The following APBB2 variants were observed in gnomAD, a reference collection of about 807,000 sequenced individuals.
APBB2 encodes the protein amyloid beta precursor protein binding family B member 2.
Under a neutral mutation model 82.5 loss-of-function variants are expected in APBB2, and 38 were observed. That is an observed-to-expected ratio of 0.46 (90% CI 0.36 to 0.60). The LOEUF is 0.60. Ranked by LOEUF, APBB2 falls within the 20% of genes least tolerant of loss-of-function variation. APBB2 has a pLI of 0.00. For synonymous variants in APBB2, 341 were observed against 368.2 expected (o/e 0.93, Z 0.85); for missense variants, 772 against 972.3 (o/e 0.79, Z 2.74).
At chr4:41,083,794 A>G (rs1209527936) in intron 3 of APBB2, among the ~76,000 whole-genome samples, 1 of 151,796 alleles carries the variant, frequency 6.6e-6, no homozygotes, top group Non-Finnish European at 1.5e-5. Flanking sequence ...TACAGTGATC[A>G]TTAACAGTAA....
chr4:40,833,004 C>G (rs1179668779), intron 12 of APBB2, among the ~76,000 whole-genome samples: 1 of 152,178 alleles, frequency 6.6e-6, no homozygotes, highest in East Asian at 1.9e-4. Context: ...GGGGTGAGCA[C>G]AGTCTTCTCC....
At chr4:41,163,753 A>G (rs79468898) in intron 1 of APBB2, among the ~76,000 whole-genome samples, 6,275 of 152,100 alleles carry the variant, frequency 0.041, 142 homozygotes, top group Middle Eastern at 0.058. Flanking sequence ...GGCCTTCCAT[A>G]CTCTGGGCAT....
intron 6 of APBB2, among the ~76,000 whole-genome samples, chr4:41,008,437 C>T (rs1017919554): frequency 7.3e-5 from 11 of 150,312 alleles, no homozygotes; most frequent in Non-Finnish European, 6.0e-5. Flanking sequence ...CAGATGGCTC[C>T]CATTTTCATT....
Position 40,813,353 on chromosome 4 carries a change from G to T in APBB2, c.*2739C>A, listed in dbSNP as rs1172921133. 6.6e-6 allele frequency: 1 copy of T among 152,138 alleles called. No homozygotes were observed. Among genetic ancestry groups the T allele is most frequent in the Non-Finnish European group, 1.5e-5 (1 of 68,022 alleles). 9.4% of individuals were successfully genotyped at this position (152,138 alleles called of 1,614,324 possible). A position where few individuals can be genotyped will look rare whatever the true frequency, so the allele number is the denominator to read the frequency against. Reference sequence around the variant, plus strand: ...AACAGGTTAATTAAAAATATGGTAAGACATAGAAGGCATCGTGAACATGGC... The same window carrying T: ...AACAGGTTAATTAAAAATATGGTAATACATAGAAGGCATCGTGAACATGGC... On this transcript the variant is annotated 3_prime_UTR_variant, in exon 18 of 18. Transcript: ENST00000508593.
chr4:41,000,079 G>GTA (rs1175847394), intron 6 of APBB2, among the ~76,000 whole-genome samples: 1 of 135,654 alleles, frequency 7.4e-6, no homozygotes, highest in African/African-American at 2.8e-5. Context: ...ATGTGTGTGT[G>GTA]TGTGTGTGTG....
At chr4:41,195,660 G>GC in intron 1 of APBB2, among the ~76,000 whole-genome samples, 1 of 152,060 alleles carries the variant, frequency 6.6e-6, no homozygotes, top group South Asian at 2.1e-4. Context: ...CAAAGTCAAG[G>GC]CCCTTTCCGT....
chr4:41,080,698 C>CTT (rs5857775), intron 3 of APBB2, among the ~76,000 whole-genome samples: 9,057 of 120,896 alleles, frequency 0.075, 478 homozygotes, highest in Non-Finnish European at 0.1. Flanking sequence ...GTAAATGCTC[C>CTT]TTTTTTTTTT....
At chr4:40,948,276 T>C (rs1789004278) in intron 6 of APBB2, among the ~76,000 whole-genome samples, 1 of 152,226 alleles carries the variant, frequency 6.6e-6, no homozygotes, top group Non-Finnish European at 1.5e-5. Flanking sequence ...ATCTGCTTTG[T>C]TCTTCTACAT....
intron 12 of APBB2, among the ~76,000 whole-genome samples, chr4:40,889,081 C>A (rs945994054): frequency 3.3e-5 from 5 of 152,240 alleles, no homozygotes; most frequent in African/African-American, 1.2e-4. Flanking sequence ...AATCCATCCA[C>A]CCATTCCCCC....
At chr4:40,883,189 C>G (rs1364904472) in intron 12 of APBB2, among the ~76,000 whole-genome samples, 1 of 151,924 alleles carries the variant, frequency 6.6e-6, no homozygotes, top group South Asian at 2.1e-4. Flanking sequence ...TGGCAGCAGC[C>G]TGCCCTATAC....
intron 12 of APBB2, chr4:40,880,109 T>TG (rs1560778076): frequency 1.0e-6 from 1 of 985,312 alleles, no homozygotes; most frequent in Admixed American, 6.2e-5. Flanking sequence ...ACGTCAGTGA[T>TG]GATCTCCAGT....
intron 10 of APBB2, among the ~76,000 whole-genome samples, chr4:40,929,125 G>C (rs1783446921): frequency 6.6e-6 from 1 of 151,702 alleles, no homozygotes; most frequent in Non-Finnish European, 1.5e-5. Context: ...CGGCGATCTG[G>C]AGAAGGGGCT....
intron 17 of APBB2, among the ~76,000 whole-genome samples, chr4:40,820,634 C>T (rs1213120308): frequency 6.6e-6 from 1 of 152,004 alleles, no homozygotes; most frequent in Admixed American, 6.5e-5. Flanking sequence ...CATTGCACTC[C>T]AGCCTGGGCA....
At chr4:41,109,051 C>T (rs35471638) in intron 2 of APBB2, among the ~76,000 whole-genome samples, 1 of 152,144 alleles carries the variant, frequency 6.6e-6, no homozygotes, top group African/African-American at 2.4e-5. Flanking sequence ...CTTTGCCACA[C>T]AGCATTGATT....
chr4:40,964,975 C>G (rs1794295230), intron 6 of APBB2, among the ~76,000 whole-genome samples: 1 of 152,022 alleles, frequency 6.6e-6, no homozygotes. Context: ...AAAAAATTAG[C>G]TGGGCGTGGT....
chr4:40,875,858 C>T (rs188182451), intron 12 of APBB2, among the ~76,000 whole-genome samples: 2 of 151,818 alleles, frequency 1.3e-5, no homozygotes, highest in African/African-American at 2.4e-5. Flanking sequence ...GAACATTAAC[C>T]AGTTTTGTAT....
chr4:40,829,165 G>A (rs548111679), intron 13 of APBB2, among the ~76,000 whole-genome samples: 161 of 152,324 alleles, frequency 1.1e-3, no homozygotes, highest in African/African-American at 3.8e-3. Context: ...GAGAAATCAG[G>A]GGGTGATGTG....
chr4:41,070,379 G>T (rs915386831), intron 3 of APBB2, among the ~76,000 whole-genome samples: 21 of 150,704 alleles, frequency 1.4e-4, no homozygotes, highest in African/African-American at 4.6e-4. Flanking sequence ...GTGAGATCTC[G>T]GCTCACTCCA....
In APBB2 at chr4:40,930,586, T is replaced by C. The variant is rs151001644; in HGVS notation, c.1254+3870A>G. 7.5e-3 allele frequency among the ~76,000 whole-genome samples: 1,137 copies of C among 152,242 alleles called. 11 individuals are homozygous for C. The highest frequency in any genetic ancestry group is 0.026 in the African/African-American group (1,088 of 41,548). On this transcript the variant is annotated intron_variant, in intron 10 of 17. Transcript: ENST00000508593. ...ATTCAGAGTAGTAGCTGAAGAGGAT[T>C]TGGAAGTGTCCCCATCCTGACAGTC...
Sources: gnomAD v4.1 joint callset for allele counts (sites outside exome capture counted in the v4.1 genomes callset) on GRCh38, gnomAD v4.1.1 for gene constraint, MANE v1.5 for transcripts, NCBI Gene and HGNC (gene_info 2026-07-23, HGNC 2026-07-21) for gene names.